BAG5: variants seen among roughly 807,000 people sequenced by gnomAD.
The protein encoded by BAG5 is BAG family molecular chaperone regulator 5.
BAG5 carries 25 observed loss-of-function variants against 31.8 expected under a neutral mutation model. The observed-to-expected ratio is 0.79, with a 90% confidence interval of 0.57 to 1.10. The LOEUF is 1.10. Ranked by LOEUF, BAG5 falls within the 50% of genes least tolerant of loss-of-function variation. The pLI, the probability that BAG5 is intolerant of heterozygous loss-of-function variation, is 0.00. For synonymous variants in BAG5, 208 were observed against 205.0 expected (o/e 1.01, Z -0.13); for missense variants, 491 against 527.9 (o/e 0.93, Z 0.68).
At chr14:103,561,324 C>G in intron 1 of BAG5, 132 bp from the exon 2 acceptor site, 1 of 919,620 alleles carries the variant, frequency 1.1e-6, no homozygotes, top group Admixed American at 2.8e-5. Context: ...CTCAGCCTCC[C>G]CAGTAGCTGG....
Position 103,561,073 on chromosome 14 carries a change from C to A in BAG5, c.92G>T (p.Ser31Ile). 1 of 1,611,374 alleles carries A rather than the reference C, an allele frequency of 6.2e-7. No homozygotes were observed. The highest frequency in any genetic ancestry group is 8.5e-7 in the Non-Finnish European group (1 of 1,179,988). Reference protein sequence around the residue: ...KSVEQQVIGFSGLSDDKNYKK... With the variant: ...KSVEQQVIGFIGLSDDKNYKK... The stretch of plus-strand genomic sequence containing the variant: ...GTAATTCTTGTCATCTGACAGACCA[C>A]TGAAGCCGATAACTTGCTGTTCTAC... The change falls in exon 2 of 2, where the codon AGT becomes ATT. Residue 31 changes from serine to isoleucine, a missense_variant. Coordinates refer to ENST00000299204, the MANE Select transcript of BAG5 (RefSeq NM_001015048.3).
Position 103,560,256 on chromosome 14 carries a change from G to A in BAG5, c.909C>T (p.Tyr303=), listed in dbSNP as rs963271892. 6.2e-7 allele frequency: 1 copy of A among 1,613,922 alleles called. No homozygotes were observed. The highest frequency in any genetic ancestry group is 1.3e-5 in the African/African-American group (1 of 74,852). Reference sequence around the variant, plus strand: ...CCTGCAATTCTGTTTTGGAGCTCAGGTACAATTCAGAAGGGTTTTGTGCTT... The same window carrying A: ...CCTGCAATTCTGTTTTGGAGCTCAGATACAATTCAGAAGGGTTTTGTGCTT... ...LLQAQNPSEL[Y]LSSKTELQGL... The change falls in exon 2 of 2, where the codon TAC becomes TAT. Residue 303 remains tyrosine, a synonymous_variant. Coordinates refer to ENST00000299204, the MANE Select transcript of BAG5 (RefSeq NM_001015048.3).
rs2076083412 is a variant in BAG5, at chr14:103,562,229, T to G, written c.-29+387A>C. 5.3e-6 allele frequency: 3 copies of G among 560,994 alleles called. No homozygotes were observed. In the Admixed American group the frequency reaches 9.3e-5, roughly 17 times the overall value. The allele number at this position is 560,994 out of a possible 1,614,324, so 34.8% of individuals were successfully genotyped here. ...CTGCATGCCTCGCACCCCTCCCGAC[T>G]AGGTCTGAGCGGGGCAGCCGGTGAA... On this transcript the variant is annotated intron_variant, in intron 1 of 1. Transcript: ENST00000299204.
rs1312648893 is a variant in BAG5, at chr14:103,562,627, G to A, written c.-40C>T. On this transcript the variant is annotated 5_prime_UTR_variant, in exon 1 of 2. Transcript: ENST00000299204. ...CGCGCTTCGCTCACCTGTCCCGCCC[G>A]CGCCATCGCGCGATGCGTCGCCGAC... is the stretch of plus-strand genomic sequence containing the variant. 2 of 189,234 alleles carry A rather than the reference G, an allele frequency of 1.1e-5. No individual in the cohort carries two copies. Among genetic ancestry groups the A allele is most frequent in the African/African-American group, 2.3e-5 (1 of 42,590 alleles). The allele number at this position is 189,234 out of a possible 1,614,324, so 11.7% of individuals were successfully genotyped here. A position where few individuals can be genotyped will look rare whatever the true frequency, so the allele number is the denominator to read the frequency against.
chr14:103,560,268 A>G lies in BAG5; in HGVS notation c.897T>C (p.Pro299=). The change falls in exon 2 of 2, where the codon CCT becomes CCC. Residue 299 remains proline (P), a synonymous_variant. Transcript: ENST00000299204. ...TTTTGGAGCTCAGGTACAATTCAGA[A>G]GGGTTTTGTGCTTGGAGAAGTTCAT... ...IKNELLQAQN[P]SELYLSSKTE... is the part of the protein sequence containing the mutation. The G allele has an allele frequency of 6.2e-7, 1 of 1,614,158 alleles. No homozygotes were observed. Among genetic ancestry groups the G allele is most frequent in the South Asian group, 1.1e-5 (1 of 91,076 alleles).
intron 1 of BAG5, chr14:103,562,169 C>T: frequency 1.6e-6 from 1 of 624,270 alleles, no homozygotes; most frequent in Non-Finnish European, 2.9e-6. Context: ...AAGATCAGCC[C>T]TTTACGGGGT....
rs2076062197 is a variant in BAG5 at position 103,560,205 on chromosome 14, T to C, written c.960A>G (p.Val320=). The change falls in exon 2 of 2, where the codon GTA becomes GTG. Residue 320 remains valine (V), a synonymous_variant. Coordinates refer to ENST00000299204, the MANE Select transcript of BAG5 (RefSeq NM_001015048.3). The part of the protein sequence containing the change: ...LQGLIGQLDE[V]SLEKNPCIRE... Reference sequence around the variant, plus strand: ...GGATGCAGGGGTTTTTTTCAAGACTTACCTCATCCAACTGTCCAATTAAAC... The same window carrying C: ...GGATGCAGGGGTTTTTTTCAAGACTCACCTCATCCAACTGTCCAATTAAAC... The C allele has an allele frequency of 1.2e-6, 2 of 1,614,190 alleles. No individual in the cohort carries two copies. Among genetic ancestry groups the C allele is most frequent in the Non-Finnish European group, 1.7e-6 (2 of 1,180,032 alleles).
rs1225808405 is a variant in BAG5 at position 103,559,075 on chromosome 14, T to G, written c.*746A>C. On this transcript the variant is annotated 3_prime_UTR_variant, in exon 2 of 2. Transcript: ENST00000299204. Reference sequence around the variant, plus strand: ...TATGAATTTACTCACTAAGGAAAACTATAAGCTCAGATTTTACAAACAAAA... The same window carrying G: ...TATGAATTTACTCACTAAGGAAAACGATAAGCTCAGATTTTACAAACAAAA... 1 of 152,068 alleles carries G rather than the reference T, an allele frequency of 6.6e-6. No individual in the cohort carries two copies. The highest frequency in any genetic ancestry group is 6.6e-5 in the Admixed American group (1 of 15,252). 9.4% of individuals were successfully genotyped at this position (152,068 alleles called of 1,614,324 possible). A position where few individuals can be genotyped will look rare whatever the true frequency, so the allele number is the denominator to read the frequency against.
chr14:103,560,198 C>T lies in BAG5; in HGVS notation c.967G>A (p.Glu323Lys). ...LIGQLDEVSL[E>K]KNPCIREARR... The stretch of plus-strand genomic sequence containing the variant: ...GCTTCCCGGATGCAGGGGTTTTTTT[C>T]AAGACTTACCTCATCCAACTGTCCA... The change falls in exon 2 of 2, where the codon GAA becomes AAA. Residue 323 changes from glutamate to lysine, a missense_variant. Glu to Lys is a moderately conservative substitution (Grantham distance 56). Coordinates refer to ENST00000299204, the MANE Select transcript of BAG5 (RefSeq NM_001015048.3). 1 of 1,614,112 alleles carries T rather than the reference C, an allele frequency of 6.2e-7. No individual in the cohort carries two copies. Among genetic ancestry groups the T allele is most frequent in the East Asian group, 2.2e-5 (1 of 44,882 alleles).
rs567866975 is a variant in BAG5 at position 103,559,776 on chromosome 14, A to C, written c.*45T>G. On this transcript the variant is annotated 3_prime_UTR_variant, in exon 2 of 2. Transcript: ENST00000299204. ...CTGAAAGCTCTCTATACATAGAAGC[A>C]CATATGAAGTGCAAAACAGTATCAA... The C allele has an allele frequency of 7.6e-6, 12 of 1,576,986 alleles. No individual in the cohort carries two copies. The South Asian group carries it at 9.0e-5, about 12-fold the overall frequency.
At position 103,559,436 on chromosome 14, in the gene BAG5, T is replaced by G. The variant is rs544136238; in HGVS notation, c.*385A>C. On this transcript the variant is annotated 3_prime_UTR_variant, in exon 2 of 2. Coordinates refer to ENST00000299204, the MANE Select transcript of BAG5 (RefSeq NM_001015048.3). ...ACCTTACTCTTATTTAACCAAAAAT[T>G]TCCCCTTTCTCATAATTTTCCTAGT... The G allele has an allele frequency of 2.2e-5, 4 of 179,976 alleles. No individual in the cohort carries two copies. The South Asian group carries it at 4.7e-4, about 21-fold the overall frequency. The allele number at this position is 179,976 out of a possible 1,614,324, so 11.1% of individuals were successfully genotyped here. A position where few individuals can be genotyped will look rare whatever the true frequency, so the allele number is the denominator to read the frequency against.
chr14:103,560,591 C>T lies in BAG5; in HGVS notation c.574G>A (p.Glu192Lys), dbSNP rs1366067155. 4 of 1,614,054 alleles carry T rather than the reference C, an allele frequency of 2.5e-6. No homozygotes were observed. The African/African-American group carries it at 4.0e-5, about 16-fold the overall frequency. ...SVAKINFVMC[E>K]VNKARGVLIA... ...AGGACCCCTCGGGCCTTGTTCACCT[C>T]ACACATCACGAAGTTGATTTTGGCA... The change falls in exon 2 of 2, where the codon GAG (glutamate) becomes AAG (lysine). Residue 192 changes from glutamate to lysine, a missense_variant. Transcript: ENST00000299204.
chr14:103,560,642 GC>G lies in BAG5; in HGVS notation c.522del (p.Leu175PhefsTer15). On this transcript the variant is annotated frameshift_variant, in exon 2 of 2. Coordinates refer to ENST00000299204, the MANE Select transcript of BAG5 (RefSeq NM_001015048.3). LOFTEE classifies it high-confidence loss of function. ...ACGGAAGGATGTGCATCCTCGGAAA[GC>G]GGCAGGGAAGGCTGCTTTTTCATGC... is the stretch of plus-strand genomic sequence containing the variant. ...EDCMKKQPSL[P>X]LSEDAHPSVA... 1 of 1,614,212 alleles carries G rather than the reference GC, an allele frequency of 6.2e-7. No homozygotes were observed. The highest frequency in any genetic ancestry group is 8.5e-7 in the Non-Finnish European group (1 of 1,180,048).
Position 103,559,873 on chromosome 14 carries a change from G to A in BAG5, c.1292C>T (p.Ala431Val), listed in dbSNP as rs754086545. The A allele has an allele frequency of 2.2e-5, 36 of 1,614,012 alleles. No homozygotes were observed. The East Asian group carries it at 3.3e-4, about 15-fold the overall frequency. ...KAARKQAVRL[A>V]QNILSYLDLK... The stretch of plus-strand genomic sequence containing the variant: ...GTCGAGATAGCTGAGAATATTCTGC[G>A]CAAGCCTCACAGCTTGTTTCCTGGC... The change falls in exon 2 of 2, where the codon GCG (alanine) becomes GTG (valine). Residue 431 changes from alanine (A) to valine (V), a missense_variant. Coordinates refer to ENST00000299204, the MANE Select transcript of BAG5 (RefSeq NM_001015048.3).
rs973163955 is a variant in BAG5, at chr14:103,556,720, T to C, written c.*3101A>G. ...ACTGGAAAAACACACTTGTATTATA[T>C]GTAAAAATCGATGGCCAATATTTCT... On this transcript the variant is annotated 3_prime_UTR_variant, in exon 2 of 2. Transcript: ENST00000299204. The C allele has an allele frequency of 1.3e-5, 2 of 151,988 alleles. No homozygotes were observed. Among genetic ancestry groups the C allele is most frequent in the Admixed American group, 6.6e-5 (1 of 15,264 alleles). The allele number at this position is 151,988 out of a possible 1,614,324, so 9.4% of individuals were successfully genotyped here. A position where few individuals can be genotyped will look rare whatever the true frequency, so the allele number is the denominator to read the frequency against.
Position 103,560,491 on chromosome 14 carries a change from GCGATCAGCCC to G in BAG5, c.664_673del (p.Gly222LeufsTer6). 1 of 1,614,074 alleles carries G rather than the reference GCGATCAGCCC, an allele frequency of 6.2e-7. No individual in the cohort carries two copies. Among genetic ancestry groups the G allele is most frequent in the African/African-American group, 1.3e-5 (1 of 75,014 alleles). On this transcript the variant is annotated frameshift_variant, in exon 2 of 2. Transcript: ENST00000299204. LOFTEE classifies it high-confidence loss of function. ...GCACACATCTAGAGCATCCAGGTCA[GCGATCAGCCC>G]CGAGAGCACACAGGATAAGTGCCTG... is the stretch of plus-strand genomic sequence containing the variant.
At chr14:103,562,152 G>T in intron 1 of BAG5, 1 of 645,588 alleles carries the variant, frequency 1.5e-6, no homozygotes, top group Non-Finnish European at 2.8e-6. Context: ...CTGAGGTGGC[G>T]AGGTGGAAGA....
chr14:103,561,233 C>T (rs1221066879), intron 1 of BAG5, 41 bp from the exon 2 acceptor site: 4 of 1,525,478 alleles, frequency 2.6e-6, no homozygotes, highest in East Asian at 4.5e-5. Context: ...CAGCACAAGG[C>T]TTCTGCAGAA....
In BAG5 at chr14:103,556,987, ATTTAT is replaced by A. The variant is rs1025035567; in HGVS notation, c.*2829_*2833del. 1.3e-5 allele frequency: 2 copies of A among 152,248 alleles called. No homozygotes were observed. The highest frequency in any genetic ancestry group is 4.8e-5 in the African/African-American group (2 of 41,472). The allele number at this position is 152,248 out of a possible 1,614,324, so 9.4% of individuals were successfully genotyped here. A position where few individuals can be genotyped will look rare whatever the true frequency, so the allele number is the denominator to read the frequency against. ...TATACTTTGTAGACATATTCATTAC[ATTTAT>A]TTTAATAACTACTTCATTATAGGCT... On this transcript the variant is annotated 3_prime_UTR_variant, in exon 2 of 2. Coordinates refer to ENST00000299204, the MANE Select transcript of BAG5 (RefSeq NM_001015048.3).
Sources: gnomAD v4.1 joint callset for allele counts on GRCh38, gnomAD v4.1.1 for gene constraint, MANE v1.5 for transcripts, NCBI Gene and HGNC (gene_info 2026-07-23, HGNC 2026-07-21) for gene names.